CEP97: variants seen among roughly 807,000 people sequenced by gnomAD.
CEP97 encodes centrosomal protein 97.
A neutral mutation model predicts 73.1 loss-of-function variants in CEP97; 43 were observed. That is an observed-to-expected ratio of 0.59 (90% CI 0.46 to 0.76). The LOEUF (loss-of-function observed/expected upper bound fraction) is 0.76. CEP97 is among the 30% of genes least tolerant of loss of function. CEP97 has a pLI of 0.00. For synonymous variants in CEP97, 337 were observed against 370.0 expected (o/e 0.91, Z 1.02); for missense variants, 939 against 1,014.0 (o/e 0.93, Z 1.00).
intron 6 of CEP97, among the ~76,000 whole-genome samples, chr3:101,753,861 G>A (rs1938923119): frequency 6.6e-6 from 1 of 152,192 alleles, no homozygotes. Context: ...CTTCCTGAGT[G>A]AGGCAATGCC....
At chr3:101,727,817 A>G (rs1345567227) in intron 3 of CEP97, among the ~76,000 whole-genome samples, 1 of 152,234 alleles carries the variant, frequency 6.6e-6, no homozygotes, top group Non-Finnish European at 1.5e-5. Context: ...TTAAGCTTTA[A>G]GTAAATGTTT....
rs771096925 is a variant in CEP97 at position 101,730,228 on chromosome 3, GTTTTTTTGTTTTGTT to G, written c.447+1294_447+1308del. Among the ~76,000 whole-genome samples, 32 of 115,578 alleles carry G rather than the reference GTTTTTTTGTTTTGTT, an allele frequency of 2.8e-4. No individual in the cohort carries two copies. The Middle Eastern group carries it at 0.012, about 44-fold the overall frequency. The allele number at this position is 115,578 out of a possible 152,430, so 75.8% of individuals were successfully genotyped here. On this transcript the variant is annotated intron_variant, in intron 4 of 10. Coordinates refer to ENST00000341893, the MANE Select transcript of CEP97 (RefSeq NM_024548.4). Reference sequence around the variant, plus strand: ...ATGAGCCACCGAACTGGCCGAGTCTGTTTTTTTGTTTTGTTTTGTTTTGTTTTGTTTTGTTTTGTT... The same window carrying G: ...ATGAGCCACCGAACTGGCCGAGTCTGTTGTTTTGTTTTGTTTTGTTTTGTT...
chr3:101,728,054 A>G (rs1241087477), intron 3 of CEP97, among the ~76,000 whole-genome samples: 3 of 152,204 alleles, frequency 2.0e-5, no homozygotes, highest in Admixed American at 6.6e-5. Flanking sequence ...AACTTATTCA[A>G]TCTCATGGTA....
chr3:101,756,535 C>G (rs553086343), intron 7 of CEP97, among the ~76,000 whole-genome samples: 8 of 151,822 alleles, frequency 5.3e-5, no homozygotes, highest in Non-Finnish European at 1.0e-4. Flanking sequence ...ACCACCAAGC[C>G]TCGGCTAATT....
intron 6 of CEP97, among the ~76,000 whole-genome samples, chr3:101,748,898 C>T (rs1383372238): frequency 6.6e-6 from 1 of 152,128 alleles, no homozygotes; most frequent in Non-Finnish European, 1.5e-5. Context: ...CCTCGGCCTC[C>T]CAAAGTGCTG....
chr3:101,735,541 A>G (rs2449492), intron 6 of CEP97, among the ~76,000 whole-genome samples: 137,238 of 152,214 alleles, frequency 0.9, 61,945 homozygotes, highest in East Asian at 0.99. Flanking sequence ...TGCAGCCCAC[A>G]GAGGGTGAGC....
rs1939339008 is a variant in CEP97 at position 101,767,139 on chromosome 3, A to G, written c.*1588A>G. Reference sequence around the variant, plus strand: ...ACATTTTTCCTGTATGGTAAGACGTATTTTTCTCAGTTTATAAATACGTAG... The same window carrying G: ...ACATTTTTCCTGTATGGTAAGACGTGTTTTTCTCAGTTTATAAATACGTAG... On this transcript the variant is annotated 3_prime_UTR_variant, in exon 11 of 11. Transcript: ENST00000341893. 1 of 152,078 alleles carries G rather than the reference A, an allele frequency of 6.6e-6. No homozygotes were observed. The highest frequency in any genetic ancestry group is 2.4e-5 in the African/African-American group (1 of 41,390). The allele number at this position is 152,078 out of a possible 1,614,324, so 9.4% of individuals were successfully genotyped here. A position where few individuals can be genotyped will look rare whatever the true frequency, so the allele number is the denominator to read the frequency against.
chr3:101,748,765 C>T (rs1188180086), intron 6 of CEP97, among the ~76,000 whole-genome samples: 18 of 152,212 alleles, frequency 1.2e-4, no homozygotes, highest in Admixed American at 7.8e-4. Context: ...CTCAGTCTCC[C>T]GAGTAGCTGG....
chr3:101,760,654 A>C (rs1939146018), intron 9 of CEP97, among the ~76,000 whole-genome samples: 1 of 151,902 alleles, frequency 6.6e-6, no homozygotes, highest in Non-Finnish European at 1.5e-5. Flanking sequence ...TGATTCTCCC[A>C]CTTGAGGCTC....
intron 10 of CEP97, 52 bp from the exon 11 acceptor site, chr3:101,764,795 A>G: frequency 2.0e-6 from 3 of 1,503,370 alleles, no homozygotes; most frequent in Middle Eastern, 2.4e-4. Context: ...AAACAAACAA[A>G]CAAAAACAAC....
chr3:101,757,736 A>G lies in CEP97; in HGVS notation c.1130A>G (p.Tyr377Cys). 1 of 1,614,226 alleles carries G rather than the reference A, an allele frequency of 6.2e-7. No individual in the cohort carries two copies. Among genetic ancestry groups the G allele is most frequent in the Non-Finnish European group, 8.5e-7 (1 of 1,180,022 alleles). The change falls in exon 9 of 11, where the codon TAT becomes TGT. Residue 377 changes from tyrosine (Y) to cysteine (C), a missense_variant. By Grantham distance (194) the Tyr-to-Cys change is radical. Coordinates refer to ENST00000341893, the MANE Select transcript of CEP97 (RefSeq NM_024548.4). ...NFPASVHTTR[Y>C]SRNDLHLEDI... Reference sequence around the variant, plus strand: ...CCAGCCTCTGTACACACTACGAGATATTCTCGAAATGATCTGCACCTGGAA... The same window carrying G: ...CCAGCCTCTGTACACACTACGAGATGTTCTCGAAATGATCTGCACCTGGAA...
At chr3:101,747,752 T>C (rs1938669242) in intron 6 of CEP97, among the ~76,000 whole-genome samples, 1 of 151,574 alleles carries the variant, frequency 6.6e-6, no homozygotes, top group South Asian at 2.1e-4. Flanking sequence ...CCTTTCTTAA[T>C]AGTTGTTACT....
intron 10 of CEP97, 115 bp downstream of exon 10, chr3:101,762,675 A>G (rs1235347152): frequency 5.8e-6 from 4 of 694,982 alleles, no homozygotes; most frequent in Non-Finnish European, 9.2e-6. Context: ...GGTTAAGGGT[A>G]TGGCTTGTGT....
chr3:101,765,055 C>T lies in CEP97; in HGVS notation c.2102C>T (p.Ser701Phe), dbSNP rs368747293. Residue 701 changes from serine to phenylalanine, a missense_variant, in exon 11 of 11, where the codon TCT (serine) becomes TTT (phenylalanine). By Grantham distance (155) the Ser-to-Phe change is radical (BLOSUM62 -2). Transcript: ENST00000341893. The stretch of plus-strand genomic sequence containing the variant: ...AAATCATTACCAGAATTTCCAGACT[C>T]TGGTTTTCATTCCTCTCTAACAGAA... The part of the protein sequence containing the change: ...QEKSLPEFPD[S>F]GFHSSLTEQV... The T allele has an allele frequency of 2.2e-4, 348 of 1,614,010 alleles. No individual in the cohort carries two copies. Among genetic ancestry groups the T allele is most frequent in the Non-Finnish European group, 2.8e-4 (330 of 1,180,038 alleles).
chr3:101,724,832 C>G, intron 1 of CEP97, 113 bp downstream of exon 1: 1 of 1,133,724 alleles, frequency 8.8e-7, no homozygotes, highest in Admixed American at 2.0e-5. Flanking sequence ...TCTTTTGATG[C>G]GGATCTGTGG....
chr3:101,760,036 A>G (rs1939127861), intron 9 of CEP97, among the ~76,000 whole-genome samples: 1 of 150,868 alleles, frequency 6.6e-6, no homozygotes. Context: ...AAAAAAAAAA[A>G]AAAAAAAAAA....
intron 6 of CEP97, among the ~76,000 whole-genome samples, chr3:101,753,925 C>T (rs1219839191): frequency 3.3e-5 from 5 of 152,132 alleles, no homozygotes; most frequent in South Asian, 2.1e-4. Context: ...CTCTGCCCAC[C>T]GTCTGGCACT....
intron 9 of CEP97, chr3:101,758,692 C>A: frequency 2.7e-6 from 1 of 369,314 alleles, no homozygotes; most frequent in Non-Finnish European, 4.9e-6. Context: ...TTATAGGGAT[C>A]TATAATTCTA....
intron 10 of CEP97, chr3:101,763,192 C>A: frequency 8.0e-7 from 1 of 1,247,722 alleles, no homozygotes; most frequent in African/African-American, 1.6e-5. Context: ...CCAAAGTGAG[C>A]CACATCACCT....
Sources: allele counts gnomAD v4.1 joint callset (sites outside exome capture counted in the v4.1 genomes callset), GRCh38; gene constraint gnomAD v4.1.1; transcripts MANE v1.5; gene names NCBI Gene and HGNC (gene_info 2026-07-23, HGNC 2026-07-21).